The following VWA8 variants were observed in gnomAD, a reference collection of about 807,000 sequenced individuals.
The protein encoded by VWA8 is von Willebrand factor A domain-containing protein 8.
VWA8 carries 221 observed loss-of-function variants against 241.5 expected under a neutral mutation model. That is an observed-to-expected ratio of 0.91 (90% CI 0.82 to 1.02). The LOEUF is 1.02. Ranked by LOEUF, VWA8 falls within the 50% of genes least tolerant of loss-of-function variation. The pLI is 0.00. For missense variants in VWA8, 2,322 were observed against 2,328.7 expected, an observed-to-expected ratio of 1.00 and a Z score of 0.06; for synonymous variants, 852 against 827.1, an observed-to-expected ratio of 1.03 and a Z score of -0.52.
At chr13:41,777,820 C>A (rs1177436320) in intron 20 of VWA8, among the ~76,000 whole-genome samples, 165 bp downstream of exon 20, 1 of 152,102 alleles carries the variant, frequency 6.6e-6, no homozygotes, top group African/African-American at 2.4e-5. Context: ...ATGATTTAAA[C>A]CTTGAGGTAA....
intron 30 of VWA8, 73 bp from the exon 31 acceptor site, chr13:41,692,011 C>G: frequency 1.0e-6 from 1 of 972,128 alleles, no homozygotes; most frequent in Admixed American, 2.1e-5. Flanking sequence ...AGCTACTTCC[C>G]CTTAAATAAA....
intron 37 of VWA8, among the ~76,000 whole-genome samples, chr13:41,667,737 C>A (rs1392055550): frequency 2.0e-5 from 3 of 152,128 alleles, no homozygotes; most frequent in Non-Finnish European, 4.4e-5. Context: ...GAATAATATA[C>A]TTTAAATATA....
chr13:41,644,194 G>A (rs923519011), intron 37 of VWA8, among the ~76,000 whole-genome samples: 1 of 151,576 alleles, frequency 6.6e-6, no homozygotes, highest in Non-Finnish European at 1.5e-5. Flanking sequence ...TAGCTTGGAA[G>A]AACCCTTGGC....
intron 2 of VWA8, among the ~76,000 whole-genome samples, chr13:41,924,672 T>A (rs953146457): frequency 2.6e-4 from 40 of 151,780 alleles, no homozygotes; most frequent in Non-Finnish European, 5.3e-4. Context: ...ACTGAAACAC[T>A]ATGACTTGAG....
chr13:41,817,857 G>A (rs919098457), intron 15 of VWA8, among the ~76,000 whole-genome samples: 32 of 152,178 alleles, frequency 2.1e-4, no homozygotes, highest in African/African-American at 7.5e-4. Flanking sequence ...GAACAGTACT[G>A]TCCAATAGAA....
In VWA8 at chr13:41,568,753, C is replaced by A. The variant is rs548854710; in HGVS notation, c.5610-448G>T. On this transcript the variant is annotated intron_variant, in intron 44 of 44. Coordinates refer to ENST00000379310, the MANE Select transcript of VWA8 (RefSeq NM_015058.2). ...CTCTAAAAACGCTGCGCAGCCAAAC[C>A]CTGAGTGGTTCTTTCTCTCTTTCTT... is the stretch of plus-strand genomic sequence containing the variant. Among the ~76,000 whole-genome samples, 3 of 152,266 alleles carry A rather than the reference C, an allele frequency of 2.0e-5. No individual in the cohort carries two copies. In the South Asian group the frequency reaches 6.2e-4, roughly 32 times the overall value.
At chr13:41,953,780 G>T (rs1393733214) in intron 1 of VWA8, among the ~76,000 whole-genome samples, 1 of 152,148 alleles carries the variant, frequency 6.6e-6, no homozygotes, top group Non-Finnish European at 1.5e-5. Context: ...TTGCACTCCA[G>T]CCTGGGCAAC....
chr13:41,853,291 T>A (rs1008538244), intron 12 of VWA8, among the ~76,000 whole-genome samples: 2 of 152,142 alleles, frequency 1.3e-5, no homozygotes, highest in African/African-American at 4.8e-5. Flanking sequence ...ATGGCCTTTA[T>A]TATGTTTTGT....
Position 41,841,803 on chromosome 13 carries a change from A to T in VWA8, c.1426-8272T>A, listed in dbSNP as rs1355354569. On this transcript the variant is annotated intron_variant, in intron 12 of 44. Transcript: ENST00000379310. ...CTGTCTCAAAAAAAAAAAAAAAAAAAAAAAAAAAAAAAAAAAAATATATAT... is the reference window on the plus strand; with the variant it reads ...CTGTCTCAAAAAAAAAAAAAAAAAATAAAAAAAAAAAAAAAAAATATATAT... Among the ~76,000 whole-genome samples, 94 of 34,284 alleles carry T rather than the reference A, an allele frequency of 2.7e-3. 2 individuals are homozygous for T. Among genetic ancestry groups the T allele is most frequent in the African/African-American group, 8.3e-3 (92 of 11,084 alleles). 22.5% of individuals were successfully genotyped at this position (34,284 alleles called of 152,430 possible).
At position 41,961,093 on chromosome 13, in the gene VWA8, G is replaced by A. The variant is rs2138180004; in HGVS notation, c.-78C>T. On this transcript the variant is annotated 5_prime_UTR_variant, in exon 1 of 45. Coordinates refer to ENST00000379310, the MANE Select transcript of VWA8 (RefSeq NM_015058.2). The stretch of plus-strand genomic sequence containing the variant: ...TCCCGTGCAGGCACCGTGAGGCAGC[G>A]CGGAGAAGGGGACAGGAAGCGGCAC... 7.9e-7 allele frequency: 1 copy of A among 1,270,918 alleles called. No individual in the cohort carries two copies. Among genetic ancestry groups the A allele is most frequent in the Non-Finnish European group, 1.0e-6 (1 of 987,212 alleles). 78.7% of individuals were successfully genotyped at this position (1,270,918 alleles called of 1,614,324 possible).
At chr13:41,582,095 C>CT (rs756981799) in intron 42 of VWA8, among the ~76,000 whole-genome samples, 4 of 152,136 alleles carry the variant, frequency 2.6e-5, no homozygotes, top group Non-Finnish European at 5.9e-5. Flanking sequence ...CTTCAGTGAC[C>CT]TACTGTGAAT....
At chr13:41,891,994 T>C (rs1446991464) in intron 4 of VWA8, among the ~76,000 whole-genome samples, 2 of 152,098 alleles carry the variant, frequency 1.3e-5, no homozygotes, top group African/African-American at 4.8e-5. Flanking sequence ...CTTGTAAGGA[T>C]CAAAAAAGCT....
intron 14 of VWA8, among the ~76,000 whole-genome samples, chr13:41,827,107 GTC>G (rs150571881): frequency 0.044 from 6,627 of 152,102 alleles, 169 homozygotes; most frequent in East Asian, 0.12. Context: ...TTACATATCT[GTC>G]TCTCTTCATA....
intron 2 of VWA8, among the ~76,000 whole-genome samples, chr13:41,922,707 G>C (rs1489594584): frequency 2.6e-5 from 4 of 152,214 alleles, no homozygotes. Context: ...CTGGCCATCA[G>C]AGAAATGCAA....
At chr13:41,718,277 T>G (rs901511983) in intron 26 of VWA8, among the ~76,000 whole-genome samples, 8 of 151,916 alleles carry the variant, frequency 5.3e-5, no homozygotes, top group African/African-American at 1.9e-4. Flanking sequence ...AACTTAAGTT[T>G]GCATATTAAA....
rs534149244 is a variant in VWA8 at position 41,759,459 on chromosome 13, T to G, written c.2426+1669A>C. On this transcript the variant is annotated intron_variant, in intron 21 of 44. Coordinates refer to ENST00000379310, the MANE Select transcript of VWA8 (RefSeq NM_015058.2). ...GCTTCCTGAATTGGTGATGTTATCT[T>G]TTTTATCAAATTTGAGAATTTTCCT... Among the ~76,000 whole-genome samples the G allele has an allele frequency of 4.6e-5, 7 of 151,824 alleles. No individual in the cohort carries two copies. The South Asian group carries it at 1.5e-3, about 32-fold the overall frequency.
intron 21 of VWA8, among the ~76,000 whole-genome samples, chr13:41,741,977 T>G (rs1031522552): frequency 7.2e-5 from 11 of 152,250 alleles, no homozygotes; most frequent in Non-Finnish European, 1.6e-4. Context: ...CTGGCAGGAA[T>G]GAGTAGAAAG....
intron 21 of VWA8, among the ~76,000 whole-genome samples, chr13:41,745,907 A>G (rs2045602333): frequency 6.6e-6 from 1 of 152,196 alleles, no homozygotes. Context: ...CCATCAGAAT[A>G]TCACTGATTT....
At chr13:41,703,582 T>C (rs977119495) in intron 26 of VWA8, among the ~76,000 whole-genome samples, 171 bp from the exon 27 acceptor site, 8 of 152,214 alleles carry the variant, frequency 5.3e-5, no homozygotes, top group Admixed American at 4.6e-4. Flanking sequence ...GTTTAAAATA[T>C]ACTTTAAGAC....
Sources: allele counts gnomAD v4.1 joint callset (sites outside exome capture counted in the v4.1 genomes callset), GRCh38; gene constraint gnomAD v4.1.1; transcripts MANE v1.5; gene names NCBI Gene and HGNC (gene_info 2026-07-23, HGNC 2026-07-21).